The following GHR variants were observed in gnomAD, a reference collection of about 807,000 sequenced individuals.
GHR encodes the protein growth hormone receptor.
In GHR, 35 loss-of-function variants were observed where a neutral mutation model predicts 67.1. The ratio of observed to expected loss-of-function variants is 0.52; its 90% CI spans 0.40 to 0.69. The LOEUF is 0.69. Among genes scored for constraint, GHR ranks in the 30% least tolerant of loss-of-function variants. The pLI, the probability that GHR is intolerant of heterozygous loss-of-function variation, is 0.00. For synonymous variants in GHR, 272 were observed against 269.1 expected, an observed-to-expected ratio of 1.01 and a Z score of -0.10; for missense variants, 792 against 764.6, an observed-to-expected ratio of 1.04 and a Z score of -0.42.
intron 2 of GHR, among the ~76,000 whole-genome samples, chr5:42,577,273 G>T (rs1297584860): frequency 6.6e-6 from 1 of 152,214 alleles, no homozygotes; most frequent in Non-Finnish European, 1.5e-5. Flanking sequence ...GAGAAAACCA[G>T]TGGACAAGAT....
chr5:42,672,795 G>A lies in GHR; in HGVS notation c.137-16095G>A, dbSNP rs146476852. 2.1e-3 allele frequency among the ~76,000 whole-genome samples: 314 copies of A among 152,162 alleles called. 1 individual carries two copies. The highest frequency in any genetic ancestry group is 7.3e-3 in the African/African-American group (303 of 41,528). On this transcript the variant is annotated intron_variant, in intron 3 of 9. Transcript: ENST00000230882. The stretch of plus-strand genomic sequence containing the variant: ...AACTATAAGAATGTAATATTCAAAT[G>A]TAATATCTCAAACTATAAGAATCCT...
chr5:42,682,073 G>A (rs1756910641), intron 3 of GHR, among the ~76,000 whole-genome samples: 1 of 152,074 alleles, frequency 6.6e-6, no homozygotes, highest in Non-Finnish European at 1.5e-5. Context: ...TATACACCAT[G>A]GAATACTATG....
At chr5:42,427,684 T>G (rs1579678115) in intron 1 of GHR, among the ~76,000 whole-genome samples, 1 of 152,086 alleles carries the variant, frequency 6.6e-6, no homozygotes, top group African/African-American at 2.4e-5. Context: ...GTCCAAAGTC[T>G]CACCTGAACC....
intron 1 of GHR, among the ~76,000 whole-genome samples, chr5:42,427,994 G>A (rs1025465273): frequency 2.0e-5 from 3 of 152,196 alleles, no homozygotes; most frequent in African/African-American, 7.2e-5. Flanking sequence ...TGGGGGTGCT[G>A]GGGAATGGTG....
chr5:42,525,561 AAGACTTTGGGGGACTGCTG>A (rs1468665600), intron 1 of GHR, among the ~76,000 whole-genome samples: 5 of 152,172 alleles, frequency 3.3e-5, no homozygotes, highest in Non-Finnish European at 7.4e-5. Flanking sequence ...GAAATGAATT[AAGACTTTGGGGGACTGCTG>A]AGAAGGCATT....
At chr5:42,706,994 G>A (rs533861893) in intron 6 of GHR, among the ~76,000 whole-genome samples, 138 of 150,470 alleles carry the variant, frequency 9.2e-4, no homozygotes, top group African/African-American at 3.0e-3. Flanking sequence ...TCATCTTAAC[G>A]ATATTGATTC....
chr5:42,607,606 T>C (rs562114773), intron 2 of GHR, among the ~76,000 whole-genome samples: 8 of 152,294 alleles, frequency 5.3e-5, no homozygotes, highest in Admixed American at 1.3e-4. Context: ...TGGTGGTATA[T>C]AAATGATGGT....
At chr5:42,623,069 A>C (rs1753533954) in intron 2 of GHR, among the ~76,000 whole-genome samples, 1 of 152,196 alleles carries the variant, frequency 6.6e-6, no homozygotes, top group African/African-American at 2.4e-5. Flanking sequence ...AGTGACTAGC[A>C]ATAATAATAA....
rs1744788023 is a variant in GHR at position 42,467,536 on chromosome 5, C to T, written c.-12+43581C>T. 13 of 1,367,926 alleles carry T rather than the reference C, an allele frequency of 9.5e-6. No individual in the cohort carries two copies. The South Asian group carries it at 1.4e-4, about 15-fold the overall frequency. The allele number at this position is 1,367,926 out of a possible 1,614,324, so 84.7% of individuals were successfully genotyped here. On this transcript the variant is annotated intron_variant, in intron 1 of 9. Coordinates refer to ENST00000230882, the MANE Select transcript of GHR (RefSeq NM_000163.5). ...TGAGCTATAACTAAAGGCTTTCTCACATTTACTACGCCTAAAGGTTTTTTC... is the reference window on the plus strand; with the variant it reads ...TGAGCTATAACTAAAGGCTTTCTCATATTTACTACGCCTAAAGGTTTTTTC...
At chr5:42,700,680 ACCACAGCCACAG>A (rs35027937) in intron 6 of GHR, among the ~76,000 whole-genome samples, 1 of 152,058 alleles carries the variant, frequency 6.6e-6, no homozygotes, top group East Asian at 1.9e-4. Context: ...AATCTGTCTA[ACCACAGCCACAG>A]CCACAGCCAC....
chr5:42,702,670 C>A (rs76568635), intron 6 of GHR, among the ~76,000 whole-genome samples: 3,154 of 152,090 alleles, frequency 0.021, 40 homozygotes, highest in Middle Eastern at 0.061. Flanking sequence ...CAATAGTGTG[C>A]AAGGGTTCCC....
intron 1 of GHR, among the ~76,000 whole-genome samples, chr5:42,499,116 A>G (rs1746434280): frequency 6.6e-6 from 1 of 152,184 alleles, no homozygotes; most frequent in Non-Finnish European, 1.5e-5. Flanking sequence ...ATACTTAGCC[A>G]AACGTGGGGA....
At chr5:42,437,572 G>A (rs1023157708) in intron 1 of GHR, among the ~76,000 whole-genome samples, 17 of 145,840 alleles carry the variant, frequency 1.2e-4, no homozygotes, top group African/African-American at 4.2e-4. Context: ...TATTTGAAAC[G>A]AAATCTTGCT....
chr5:42,510,511 T>G (rs996001261), intron 1 of GHR, among the ~76,000 whole-genome samples: 3 of 152,202 alleles, frequency 2.0e-5, no homozygotes, highest in Non-Finnish European at 2.9e-5. Context: ...GTCTGCAAGA[T>G]GTACTTTGAA....
intron 2 of GHR, among the ~76,000 whole-genome samples, chr5:42,582,156 A>G (rs989945099): frequency 1.3e-5 from 2 of 152,232 alleles, no homozygotes; most frequent in African/African-American, 2.4e-5. Flanking sequence ...CCTTGGCATG[A>G]ACAGCCTGGG....
At chr5:42,485,924 C>A (rs528876485) in intron 1 of GHR, among the ~76,000 whole-genome samples, 2 of 152,278 alleles carry the variant, frequency 1.3e-5, no homozygotes, top group African/African-American at 4.8e-5. Context: ...CATACTCTAC[C>A]CCCTTGCTCT....
chr5:42,573,667 A>C (rs1750463103), intron 2 of GHR, among the ~76,000 whole-genome samples: 1 of 152,186 alleles, frequency 6.6e-6, no homozygotes. Context: ...TGAACTTTAG[A>C]TTACAAAAGA....
chr5:42,479,185 A>C (rs972859269), intron 1 of GHR, among the ~76,000 whole-genome samples: 5 of 152,168 alleles, frequency 3.3e-5, no homozygotes, highest in African/African-American at 9.7e-5. Context: ...GCTGGATTAC[A>C]TTTATTGATT....
chr5:42,509,946 G>A (rs557960495), intron 1 of GHR, among the ~76,000 whole-genome samples: 2 of 152,256 alleles, frequency 1.3e-5, no homozygotes, highest in Admixed American at 6.5e-5. Context: ...ATAAAAACTT[G>A]AGAATTTATC....
Sources: allele counts gnomAD v4.1 joint callset (sites outside exome capture counted in the v4.1 genomes callset), GRCh38; gene constraint gnomAD v4.1.1; transcripts MANE v1.5; gene names NCBI Gene and HGNC (gene_info 2026-07-23, HGNC 2026-07-21).